Variants in SDK1 observed in about 807,000 individuals in gnomAD.
SDK1 encodes sidekick cell adhesion molecule 1, also known as protein sidekick-1.
SDK1 carries 157 observed loss-of-function variants against 245.5 expected under a neutral mutation model. The ratio of observed to expected loss-of-function variants is 0.64; its 90% CI spans 0.56 to 0.73. The LOEUF (loss-of-function observed/expected upper bound fraction) is 0.73, where lower values mean the gene tolerates loss of function less well. SDK1 is among the 30% of genes least tolerant of loss of function. The pLI is 0.00. For synonymous variants in SDK1, 1,647 were observed against 1,278.5 expected (o/e 1.29, Z -6.15); for missense variants, 3,583 against 3,002.3 (o/e 1.19, Z -4.52).
intron 32 of SDK1, among the ~76,000 whole-genome samples, chr7:4,165,890 A>C (rs912117902): frequency 6.6e-6 from 1 of 152,008 alleles, no homozygotes; most frequent in East Asian, 1.9e-4. Context: ...GGGCTCAAGC[A>C]ATCCTCCCAC....
Position 3,347,221 on chromosome 7 carries a change from AT to A in SDK1, c.298+45346del, listed in dbSNP as rs1051632326. 2.6e-5 allele frequency among the ~76,000 whole-genome samples: 4 copies of A among 151,370 alleles called. No homozygotes were observed. The East Asian group carries it at 5.8e-4, about 22-fold the overall frequency. ...ACTCTTCTCCAGGTGCACAAACCAGATTTTTTTTTATATTCTTTTAGCAATT... is the reference window on the plus strand; with the variant it reads ...ACTCTTCTCCAGGTGCACAAACCAGATTTTTTTTATATTCTTTTAGCAATT... On this transcript the variant is annotated intron_variant, in intron 1 of 44. Transcript: ENST00000404826.
intron 1 of SDK1, among the ~76,000 whole-genome samples, chr7:3,594,460 G>GTA (rs1224504701): frequency 1.3e-5 from 2 of 152,172 alleles, no homozygotes; most frequent in African/African-American, 4.8e-5. Context: ...TTTCTCTTGA[G>GTA]TATATACCTA....
At chr7:3,537,450 G>A (rs957726793) in intron 1 of SDK1, among the ~76,000 whole-genome samples, 1 of 152,146 alleles carries the variant, frequency 6.6e-6, no homozygotes, top group African/African-American at 2.4e-5. Context: ...CTGGAAATCC[G>A]CTTGCTGGGG....
chr7:3,672,778 TATATATATATATATATAA>T (rs1264900373), intron 4 of SDK1, among the ~76,000 whole-genome samples: 11 of 99,286 alleles, frequency 1.1e-4, no homozygotes, highest in Admixed American at 5.6e-4. Context: ...TATATATATA[TATATATATATATATATAA>T]AAAATACAGA....
At chr7:4,211,207 C>T (rs755461452) in intron 38 of SDK1, among the ~76,000 whole-genome samples, 2 of 152,298 alleles carry the variant, frequency 1.3e-5, no homozygotes, top group Non-Finnish European at 2.9e-5. Context: ...CTAGATCAAC[C>T]GGAAACAGCT....
Position 4,220,218 on chromosome 7 carries a change from C to G in SDK1, c.5649C>G (p.Thr1883=). 6.2e-7 allele frequency: 1 copy of G among 1,613,998 alleles called. No individual in the cohort carries two copies. The highest frequency in any genetic ancestry group is 8.5e-7 in the Non-Finnish European group (1 of 1,180,016). Residue 1883 remains threonine (T), a synonymous_variant, in exon 39 of 45, where the codon ACC becomes ACG. Coordinates refer to ENST00000404826, the MANE Select transcript of SDK1 (RefSeq NM_152744.4). ...ATTTCTTCCGTGTCCAAGCGCGGACCATCACCTACGGGCCCGAGCTCCAAG... is the reference window on the plus strand; with the variant it reads ...ATTTCTTCCGTGTCCAAGCGCGGACGATCACCTACGGGCCCGAGCTCCAAG... ...VTYFFRVQAR[T]ITYGPELQAN...
intron 32 of SDK1, 145 bp from the exon 33 acceptor site, chr7:4,174,077 T>C (rs773861874): frequency 1.2e-6 from 1 of 812,336 alleles, no homozygotes; most frequent in South Asian, 1.6e-5. Context: ...CCTGGGTTCG[T>C]CTTGATGAAT....
intron 35 of SDK1, among the ~76,000 whole-genome samples, chr7:4,187,770 G>A (rs997058049): frequency 2.6e-5 from 4 of 152,210 alleles, no homozygotes; most frequent in Non-Finnish European, 5.9e-5. Flanking sequence ...ACGTTTTTAT[G>A]GTGTGAATGT....
At chr7:3,980,391 C>T (rs1187370019) in intron 13 of SDK1, among the ~76,000 whole-genome samples, 1 of 152,216 alleles carries the variant, frequency 6.6e-6, no homozygotes, top group African/African-American at 2.4e-5. Context: ...AGTGACTCAG[C>T]ACTGGGCTTC....
chr7:4,074,450 A>G (rs1388220852), intron 20 of SDK1, among the ~76,000 whole-genome samples: 3 of 152,172 alleles, frequency 2.0e-5, no homozygotes, highest in African/African-American at 7.2e-5. Context: ...GTGAAATAGG[A>G]TAACAATGGC....
At position 3,384,579 on chromosome 7, in the gene SDK1, T is replaced by G. The variant is rs112821365; in HGVS notation, c.298+82695T>G. 5.4e-3 allele frequency among the ~76,000 whole-genome samples: 765 copies of G among 141,628 alleles called. 10 individuals are homozygous for G. Among genetic ancestry groups the G allele is most frequent in the African/African-American group, 0.017 (702 of 40,746 alleles). The allele number at this position is 141,628 out of a possible 152,430, so 92.9% of individuals were successfully genotyped here. Reference sequence around the variant, plus strand: ...AAGACAGACATTTCCACTCTTGTTTTACATCATACCCTCGAACATCGAAGG... The same window carrying G: ...AAGACAGACATTTCCACTCTTGTTTGACATCATACCCTCGAACATCGAAGG... On this transcript the variant is annotated intron_variant, in intron 1 of 44. Transcript: ENST00000404826.
intron 1 of SDK1, among the ~76,000 whole-genome samples, chr7:3,465,915 C>T (rs1380734807): frequency 1.3e-5 from 2 of 152,114 alleles, no homozygotes; most frequent in Non-Finnish European, 2.9e-5. Context: ...ACACATGGTC[C>T]AAGTTGTCTG....
At chr7:4,237,815 C>T (rs377546347) in intron 42 of SDK1, 31 bp downstream of exon 42, 1 of 1,612,332 alleles carries the variant, frequency 6.2e-7, no homozygotes, top group African/African-American at 1.3e-5. Context: ...TCGCGTGTCC[C>T]ACGATGCCAC....
chr7:3,601,192 A>G (rs527926630), intron 1 of SDK1, among the ~76,000 whole-genome samples: 2 of 152,176 alleles, frequency 1.3e-5, no homozygotes, highest in African/African-American at 2.4e-5. Context: ...ACTTTTTTGT[A>G]TTTGTCAAGA....
intron 4 of SDK1, among the ~76,000 whole-genome samples, chr7:3,761,739 A>C (rs1358364197): frequency 6.6e-6 from 1 of 152,090 alleles, no homozygotes; most frequent in Non-Finnish European, 1.5e-5. Flanking sequence ...GCAGTGACTA[A>C]GTAGCAGATT....
At chr7:4,156,137 G>A (rs1238112675) in intron 30 of SDK1, among the ~76,000 whole-genome samples, 1 of 152,132 alleles carries the variant, frequency 6.6e-6, no homozygotes, top group Non-Finnish European at 1.5e-5. Context: ...GGTTAACTGG[G>A]AGGTAGAAGC....
chr7:3,869,263 C>T (rs1467421906), intron 5 of SDK1, among the ~76,000 whole-genome samples: 1 of 149,544 alleles, frequency 6.7e-6, no homozygotes, highest in Non-Finnish European at 1.5e-5. Flanking sequence ...TCAAGCGATT[C>T]TCCTGCCTCA....
At chr7:4,014,792 G>T (rs1244537378) in intron 16 of SDK1, among the ~76,000 whole-genome samples, 10 of 152,186 alleles carry the variant, frequency 6.6e-5, no homozygotes, top group African/African-American at 1.7e-4. Context: ...TATCCTACCA[G>T]CAAGAGGAGG....
At chr7:3,497,570 AACAC>A (rs1782064100) in intron 1 of SDK1, among the ~76,000 whole-genome samples, 1 of 152,206 alleles carries the variant, frequency 6.6e-6, no homozygotes, top group South Asian at 2.1e-4. Context: ...CTCAACCTGT[AACAC>A]ACACATCTTC....
Sources: allele counts gnomAD v4.1 joint callset (sites outside exome capture counted in the v4.1 genomes callset), GRCh38; gene constraint gnomAD v4.1.1; transcripts MANE v1.5; gene names NCBI Gene and HGNC (gene_info 2026-07-23, HGNC 2026-07-21).